CCDC175: variants seen among roughly 807,000 people sequenced by gnomAD.
The protein encoded by CCDC175 is coiled-coil domain containing 175, also known as coiled-coil domain-containing protein 175.
Under a neutral mutation model 114.6 loss-of-function variants are expected in CCDC175, and 100 were observed. The observed-to-expected ratio is 0.87, with a 90% CI of 0.74 to 1.03. CCDC175 has a LOEUF of 1.03. CCDC175 is among the 50% of genes least tolerant of loss of function. The pLI, the probability that CCDC175 is intolerant of heterozygous loss-of-function variation, is 0.00. For missense variants in CCDC175, 880 were observed against 917.8 expected, an observed-to-expected ratio of 0.96 and a Z score of 0.53; for synonymous variants, 306 against 308.7, an observed-to-expected ratio of 0.99 and a Z score of 0.09.
intron 5 of CCDC175, among the ~76,000 whole-genome samples, chr14:59,564,205 G>A (rs762263194): frequency 3.9e-4 from 59 of 152,266 alleles, no homozygotes; most frequent in Admixed American, 7.2e-4. Context: ...GATTTACAAC[G>A]TACTAAGCAA....
intron 17 of CCDC175, among the ~76,000 whole-genome samples, chr14:59,514,560 C>G (rs924459939): frequency 1.3e-5 from 2 of 152,046 alleles, no homozygotes; most frequent in African/African-American, 4.8e-5. Flanking sequence ...GGAAGAAAGG[C>G]TATCAGTGAT....
At position 59,551,302 on chromosome 14, in the gene CCDC175, A is replaced by G. The variant is rs931722745; in HGVS notation, c.1035+53T>C. 1.3e-4 allele frequency: 102 copies of G among 813,958 alleles called. 1 individual carries two copies. Among genetic ancestry groups the G allele is most frequent in the Middle Eastern group, 1.1e-3 (3 of 2,792 alleles). The allele number at this position is 813,958 out of a possible 1,614,324, so 50.4% of individuals were successfully genotyped here. ...TATTTCTCACATATTTTAAACATTAACTAAAAATGAAATGTAATTATAATG... is the reference window on the plus strand; with the variant it reads ...TATTTCTCACATATTTTAAACATTAGCTAAAAATGAAATGTAATTATAATG... On this transcript the variant is annotated intron_variant, in intron 8 of 19. Transcript: ENST00000537690.
intron 19 of CCDC175, among the ~76,000 whole-genome samples, chr14:59,508,564 TCAA>T (rs1892575394): frequency 7.1e-5 from 1 of 14,142 alleles, no homozygotes; most frequent in Admixed American, 6.5e-4. Flanking sequence ...AGGCCCTGTC[TCAA>T]AAAAAAAAAA....
intron 17 of CCDC175, among the ~76,000 whole-genome samples, chr14:59,514,417 A>C (rs1892942047): frequency 6.6e-6 from 1 of 152,106 alleles, no homozygotes; most frequent in South Asian, 2.1e-4. Context: ...AAAAACCTTG[A>C]AAAAAAATTA....
intron 4 of CCDC175, among the ~76,000 whole-genome samples, chr14:59,567,989 T>G (rs143379248): frequency 6.6e-6 from 1 of 152,350 alleles, no homozygotes; most frequent in Non-Finnish European, 1.5e-5. Context: ...CAGTAGTTGC[T>G]GCTAGGAAGC....
At chr14:59,543,106 C>G (rs1227899822) in intron 10 of CCDC175, among the ~76,000 whole-genome samples, 5 of 152,174 alleles carry the variant, frequency 3.3e-5, no homozygotes, top group Non-Finnish European at 7.3e-5. Context: ...ATTCTTGTCA[C>G]TGCACCCCAA....
intron 19 of CCDC175, among the ~76,000 whole-genome samples, chr14:59,507,611 C>G (rs1041541043): frequency 1.3e-5 from 2 of 152,188 alleles, no homozygotes; most frequent in African/African-American, 4.8e-5. Context: ...AGGGAACATT[C>G]AAAAGCTGGG....
intron 7 of CCDC175, among the ~76,000 whole-genome samples, chr14:59,556,273 A>G (rs1274557346): frequency 6.6e-6 from 1 of 152,214 alleles, no homozygotes; most frequent in African/African-American, 2.4e-5. Context: ...ATGTAGACCA[A>G]TGGAACAGAA....
In CCDC175 at chr14:59,527,095, C is replaced by A. The variant is rs1004593589; in HGVS notation, c.1842G>T (p.Met614Ile). The A allele has an allele frequency of 2.1e-6, 3 of 1,398,990 alleles. No homozygotes were observed. The highest frequency in any genetic ancestry group is 1.5e-5 in the African/African-American group (1 of 67,268). 86.7% of individuals were successfully genotyped at this position (1,398,990 alleles called of 1,614,324 possible). Residue 614 changes from methionine (M) to isoleucine (I), a missense_variant and splice_region_variant, in exon 15 of 20, where the codon ATG becomes ATT. Met to Ile is a conservative substitution (Grantham distance 10). Transcript: ENST00000537690. ...AAGAATTAATGCATTGATCTTTTAC[C>A]ATGTTGCTAATGTATCTTGAAAAGT... ...TRDFSRYISN[M>I]EDVKQELQQL...
chr14:59,533,987 TAAA>T (rs3084296), intron 13 of CCDC175, among the ~76,000 whole-genome samples: 135 of 133,590 alleles, frequency 1.0e-3, no homozygotes, highest in African/African-American at 1.2e-3. Flanking sequence ...AGACCCCTTT[TAAA>T]AAAAAAAAAA....
In CCDC175 at chr14:59,572,623, A is replaced by T. The variant is rs947855209; in HGVS notation, c.355+79T>A. On this transcript the variant is annotated intron_variant, in intron 3 of 19. Transcript: ENST00000537690. ...GCTCTATCTTACATGAGCAATAACT[A>T]TGAAACTTATCTTGTTGAAAGTACT... The T allele has an allele frequency of 2.1e-5, 16 of 748,912 alleles. No individual in the cohort carries two copies. In the Admixed American group the frequency reaches 4.5e-4, roughly 21 times the overall value. 46.4% of individuals were successfully genotyped at this position (748,912 alleles called of 1,614,324 possible). A position where few individuals can be genotyped will look rare whatever the true frequency, so the allele number is the denominator to read the frequency against.
At chr14:59,533,941 A>G (rs578179258) in intron 13 of CCDC175, among the ~76,000 whole-genome samples, 3 of 150,182 alleles carry the variant, frequency 2.0e-5, no homozygotes, top group South Asian at 2.1e-4. Context: ...GTGAGCCTAG[A>G]TCGCGCCACT....
rs1186126658 is a variant in CCDC175, at chr14:59,543,398, C to T, written c.1229G>A (p.Arg410Lys). The change falls in exon 10 of 20, where the codon AGA (arginine) becomes AAA (lysine). Residue 410 changes from arginine (R) to lysine (K), a missense_variant. Arg to Lys is a conservative substitution (Grantham distance 26). Coordinates refer to ENST00000537690, the MANE Select transcript of CCDC175 (RefSeq NM_001164399.2). ...SQKEYFLSQK[R>K]VDIKNMEEGL... ...TTCTTCCATATTTTTGATGTCTACT[C>T]TCTTTTGTGACAGAAAGTATTCTTT... 6.7e-7 allele frequency: 1 copy of T among 1,483,100 alleles called. No homozygotes were observed. The highest frequency in any genetic ancestry group is 2.2e-5 in the Admixed American group (1 of 45,802). The allele number at this position is 1,483,100 out of a possible 1,614,324, so 91.9% of individuals were successfully genotyped here. A position where few individuals can be genotyped will look rare whatever the true frequency, so the allele number is the denominator to read the frequency against.
At chr14:59,513,360 G>A (rs1892861606) in intron 17 of CCDC175, among the ~76,000 whole-genome samples, 1 of 148,416 alleles carries the variant, frequency 6.7e-6, no homozygotes, top group South Asian at 2.1e-4. Flanking sequence ...AGCCAAAGCA[G>A]GGGGAGGCAC....
At chr14:59,560,757 C>T (rs1295859800) in intron 7 of CCDC175, among the ~76,000 whole-genome samples, 1 of 152,136 alleles carries the variant, frequency 6.6e-6, no homozygotes, top group African/African-American at 2.4e-5. Context: ...GTAAGAACAA[C>T]TCTAACAGCA....
intron 12 of CCDC175, 70 bp downstream of exon 12, chr14:59,538,635 T>C: frequency 8.2e-7 from 1 of 1,214,866 alleles, no homozygotes; most frequent in South Asian, 1.7e-5. Flanking sequence ...TAGGATTTAA[T>C]TAAATATTAA....
At chr14:59,559,018 T>C (rs902709234) in intron 7 of CCDC175, among the ~76,000 whole-genome samples, 1 of 152,132 alleles carries the variant, frequency 6.6e-6, no homozygotes, top group African/African-American at 2.4e-5. Flanking sequence ...CAAATTCTAT[T>C]ATGAATTTGA....
rs777287009 is a variant in CCDC175, at chr14:59,525,371, A to T, written c.1906T>A (p.Phe636Ile). The change falls in exon 16 of 20, where the codon TTT becomes ATT. Residue 636 changes from phenylalanine (F) to isoleucine (I), a missense_variant. Transcript: ENST00000537690. ...TTTTCTAAGTTCTTTAGAGTTTCAA[A>T]ATGATCTTTGTTTTTTTTGCTTTCT... ...DQESKKNKDH[F>I]ETLKNLENGF... 2 of 1,521,358 alleles carry T rather than the reference A, an allele frequency of 1.3e-6. No homozygotes were observed. The highest frequency in any genetic ancestry group is 2.5e-5 in the South Asian group (2 of 81,306). The allele number at this position is 1,521,358 out of a possible 1,614,324, so 94.2% of individuals were successfully genotyped here. A position where few individuals can be genotyped will look rare whatever the true frequency, so the allele number is the denominator to read the frequency against.
intron 7 of CCDC175, among the ~76,000 whole-genome samples, chr14:59,556,768 A>T (rs960335835): frequency 6.6e-6 from 1 of 152,248 alleles, no homozygotes; most frequent in African/African-American, 2.4e-5. Context: ...CAAATTTATA[A>T]GAAAAAAACA....
Sources: allele counts gnomAD v4.1 joint callset (sites outside exome capture counted in the v4.1 genomes callset), GRCh38; gene constraint gnomAD v4.1.1; transcripts MANE v1.5; gene names NCBI Gene and HGNC (gene_info 2026-07-23, HGNC 2026-07-21).